TLN2: variants seen among roughly 807,000 people sequenced by gnomAD.
TLN2 encodes talin-2.
In TLN2, 118 loss-of-function variants were observed where a neutral mutation model predicts 294.7. The observed-to-expected ratio is 0.40, with a 90% CI of 0.34 to 0.47. TLN2 has a LOEUF of 0.47. Ranked by LOEUF, TLN2 falls within the 20% of genes least tolerant of loss-of-function variation. The pLI, the probability that TLN2 is intolerant of heterozygous loss-of-function variation, is 0.84. For missense variants in TLN2, 3,083 were observed against 3,282.2 expected (o/e 0.94, Z 1.48); for synonymous variants, 1,431 against 1,304.5 (o/e 1.10, Z -2.09).
chr15:62,481,832 C>G (rs1487048048), intron 1 of TLN2, among the ~76,000 whole-genome samples: 1 of 128,512 alleles, frequency 7.8e-6, no homozygotes, highest in African/African-American at 2.9e-5. Context: ...GAGTCTCTCT[C>G]TCTTGCCAGG....
chr15:62,436,264 G>A (rs565489960), intron 1 of TLN2, among the ~76,000 whole-genome samples: 6 of 152,328 alleles, frequency 3.9e-5, no homozygotes, highest in Non-Finnish European at 8.8e-5. Context: ...ACAGTGGTGC[G>A]TATCTGTCCT....
chr15:62,838,751 T>TAATC (rs2070152161), intron 57 of TLN2, 105 bp from the exon 58 acceptor site: 6 of 1,431,882 alleles, frequency 4.2e-6, no homozygotes, highest in Admixed American at 2.1e-5. Context: ...TATAATTGGA[T>TAATC]AATCAATTGA....
Position 62,752,308 on chromosome 15 carries a change from C to A in TLN2, c.4213C>A (p.Leu1405Met). Residue 1405 changes from leucine (L) to methionine (M), a missense_variant, in exon 35 of 59, where the codon CTG becomes ATG. Physicochemically the swap from Leu to Met is conservative, Grantham distance 15 (BLOSUM62 2). Coordinates refer to ENST00000636159, the MANE Select transcript of TLN2 (RefSeq NM_015059.3). ...IESVMENSKVLGESMAGISQN... is the reference protein window; with the variant it reads ...IESVMENSKVMGESMAGISQN... ...TTGCTGGCCGTTTGTTTTGCAGGTTCTGGGTGAATCGATGGCAGGGATTTC... is the reference window on the plus strand; with the variant it reads ...TTGCTGGCCGTTTGTTTTGCAGGTTATGGGTGAATCGATGGCAGGGATTTC... 1 of 1,613,998 alleles carries A rather than the reference C, an allele frequency of 6.2e-7. No individual in the cohort carries two copies. The highest frequency in any genetic ancestry group is 8.5e-7 in the Non-Finnish European group (1 of 1,179,960).
intron 29 of TLN2, 129 bp downstream of exon 29, chr15:62,737,215 A>T (rs2061070596): frequency 1.1e-6 from 1 of 948,186 alleles, no homozygotes; most frequent in Non-Finnish European, 1.6e-6. Flanking sequence ...AAACTTCCAA[A>T]GGTCATAACG....
intron 1 of TLN2, among the ~76,000 whole-genome samples, chr15:62,482,366 G>T (rs2038147780): frequency 1.3e-5 from 2 of 152,078 alleles, no homozygotes; most frequent in South Asian, 4.1e-4. Context: ...ACTTTGGGAG[G>T]CCGAGGCGGG....
chr15:62,402,817 G>A lies in TLN2; in HGVS notation c.-238+12132G>A, dbSNP rs958511604. Among the ~76,000 whole-genome samples the A allele has an allele frequency of 4.6e-5, 7 of 152,268 alleles. No individual in the cohort carries two copies. The East Asian group carries it at 7.7e-4, about 17-fold the overall frequency. On this transcript the variant is annotated intron_variant, in intron 1 of 58. Coordinates refer to ENST00000636159, the MANE Select transcript of TLN2 (RefSeq NM_015059.3). The stretch of plus-strand genomic sequence containing the variant: ...AACTTACTAACCTACCAGCACACAC[G>A]TGTGAATGAGATCCTGTCCTCTCTT...
intron 3 of TLN2, among the ~76,000 whole-genome samples, chr15:62,623,431 A>C (rs544083290): frequency 1.3e-5 from 2 of 152,228 alleles, no homozygotes; most frequent in African/African-American, 4.8e-5. Context: ...GGTTCCATCT[A>C]CCAAAACCAA....
chr15:62,422,210 ACT>A (rs2140273596), intron 1 of TLN2, among the ~76,000 whole-genome samples: 2 of 113,438 alleles, frequency 1.8e-5, no homozygotes, highest in South Asian at 2.9e-4. Context: ...CAAGAGCAAA[ACT>A]CTGTCTCAAA....
intron 55 of TLN2, 177 bp downstream of exon 55, chr15:62,833,806 T>G: frequency 1.2e-6 from 1 of 860,866 alleles, no homozygotes; most frequent in East Asian, 2.9e-5. Context: ...ACCAACAGAA[T>G]AAGAGGTTTG....
intron 9 of TLN2, among the ~76,000 whole-genome samples, chr15:62,668,661 G>A (rs2055022439): frequency 6.6e-6 from 1 of 152,206 alleles, no homozygotes; most frequent in Non-Finnish European, 1.5e-5. Flanking sequence ...GAGACGGCGT[G>A]TGTGCTGTGA....
chr15:62,793,499 G>A (rs1417447521), intron 46 of TLN2, among the ~76,000 whole-genome samples: 3 of 152,148 alleles, frequency 2.0e-5, no homozygotes, highest in Non-Finnish European at 2.9e-5. Context: ...GTGCTGATAT[G>A]TGTAAAAGTG....
chr15:62,825,430 T>C (rs1054373432), intron 54 of TLN2, among the ~76,000 whole-genome samples: 3 of 151,930 alleles, frequency 2.0e-5, no homozygotes, highest in African/African-American at 4.8e-5. Flanking sequence ...GTGATTAATA[T>C]GGTGAAGGGA....
chr15:62,731,892 GT>G (rs2060747867), intron 28 of TLN2, among the ~76,000 whole-genome samples: 1 of 152,140 alleles, frequency 6.6e-6, no homozygotes, highest in African/African-American at 2.4e-5. Context: ...TCTTTGATTT[GT>G]AAAAACTGTA....
intron 45 of TLN2, among the ~76,000 whole-genome samples, chr15:62,792,415 C>A (rs1366178438): frequency 6.6e-6 from 1 of 152,148 alleles, no homozygotes; most frequent in African/African-American, 2.4e-5. Context: ...CACGCTAGGA[C>A]CTCAAGATAC....
intron 14 of TLN2, among the ~76,000 whole-genome samples, chr15:62,696,169 G>A (rs1211404838): frequency 3.3e-5 from 5 of 152,166 alleles, no homozygotes; most frequent in Admixed American, 3.3e-4. Context: ...TGTTGCTTGG[G>A]ATCCCCGCGT....
At chr15:62,516,716 C>G (rs910780178) in intron 1 of TLN2, among the ~76,000 whole-genome samples, 1 of 152,194 alleles carries the variant, frequency 6.6e-6, no homozygotes, top group Non-Finnish European at 1.5e-5. Context: ...GACAGAAGCT[C>G]TAGGGGGCAG....
intron 27 of TLN2, among the ~76,000 whole-genome samples, chr15:62,726,376 A>G (rs2060441954): frequency 6.6e-6 from 1 of 152,202 alleles, no homozygotes; most frequent in East Asian, 1.9e-4. Flanking sequence ...CTCGCAGTAT[A>G]CCTGGAAATT....
At chr15:62,446,670 C>T (rs2035838373) in intron 1 of TLN2, among the ~76,000 whole-genome samples, 1 of 87,652 alleles carries the variant, frequency 1.1e-5, no homozygotes, top group South Asian at 5.3e-4. Context: ...TGATTTTAAA[C>T]ATTTTTTTGT....
chr15:62,810,969 G>A (rs2066641113), intron 52 of TLN2, among the ~76,000 whole-genome samples: 1 of 152,172 alleles, frequency 6.6e-6, no homozygotes, highest in Non-Finnish European at 1.5e-5. Context: ...TTCTCATTCT[G>A]TCCTTGCGCA....
Sources: allele counts gnomAD v4.1 joint callset (sites outside exome capture counted in the v4.1 genomes callset), GRCh38; gene constraint gnomAD v4.1.1; transcripts MANE v1.5; gene names NCBI Gene and HGNC (gene_info 2026-07-23, HGNC 2026-07-21).